CAPN9: variants seen among roughly 807,000 people sequenced by gnomAD.
CAPN9 encodes calpain-9.
A neutral mutation model predicts 92.8 loss-of-function variants in CAPN9; 81 were observed. The ratio of observed to expected loss-of-function variants is 0.87; its 90% CI spans 0.73 to 1.05. The LOEUF (loss-of-function observed/expected upper bound fraction) is 1.05, where lower values mean the gene tolerates loss of function less well. Ranked by LOEUF, CAPN9 falls within the 50% of genes least tolerant of loss-of-function variation. CAPN9 has a pLI of 0.00. For missense variants in CAPN9, 848 were observed against 866.2 expected, an observed-to-expected ratio of 0.98 and a Z score of 0.26; for synonymous variants, 304 against 328.0, an observed-to-expected ratio of 0.93 and a Z score of 0.79.
chr1:230,753,776 G>T (rs901599725), intron 1 of CAPN9, among the ~76,000 whole-genome samples: 32 of 151,954 alleles, frequency 2.1e-4, no homozygotes, highest in Non-Finnish European at 4.6e-4. Flanking sequence ...CCCCTGCAGG[G>T]TGAGCCAGAA....
rs770366418 is a variant in CAPN9, at chr1:230,779,034, G to A, written c.1015G>A (p.Asp339Asn). 31 of 1,613,066 alleles carry A rather than the reference G, an allele frequency of 1.9e-5. No individual in the cohort carries two copies. The highest frequency in any genetic ancestry group is 1.3e-4 in the East Asian group (6 of 44,840). Residue 339 changes from aspartate (D) to asparagine (N), a missense_variant, in exon 9 of 20, where the codon GAT (aspartate) becomes AAT (asparagine). Coordinates refer to ENST00000271971, the MANE Select transcript of CAPN9 (RefSeq NM_006615.3). ...DKVEICNLTP[D>N]ALEEDAIHKW... Reference sequence around the variant, plus strand: ...AGTGGAGATCTGCAACCTCACTCCCGATGCCCTGGAGGAAGACGCGATCCA... The same window carrying A: ...AGTGGAGATCTGCAACCTCACTCCCAATGCCCTGGAGGAAGACGCGATCCA...
At chr1:230,788,273 G>A (rs1294425351) in intron 13 of CAPN9, among the ~76,000 whole-genome samples, 1 of 152,140 alleles carries the variant, frequency 6.6e-6, no homozygotes, top group Non-Finnish European at 1.5e-5. Flanking sequence ...CATGTTCAAG[G>A]AGGTCCCTAT....
At position 230,747,430 on chromosome 1, in the gene CAPN9, A is replaced by G. The variant is rs930363158; in HGVS notation, c.-67A>G. 8 of 1,389,912 alleles carry G rather than the reference A, an allele frequency of 5.8e-6. No homozygotes were observed. Among genetic ancestry groups the G allele is most frequent in the Non-Finnish European group, 6.1e-6 (6 of 978,350 alleles). 86.1% of individuals were successfully genotyped at this position (1,389,912 alleles called of 1,614,324 possible). On this transcript the variant is annotated 5_prime_UTR_variant, in exon 1 of 20. Coordinates refer to ENST00000271971, the MANE Select transcript of CAPN9 (RefSeq NM_006615.3). ...AGCTGTTCCTTCTTGACCGGCACAC[A>G]CAGCTCGCTTCTTCACTTTCTTTTC...
At chr1:230,787,955 A>G (rs1667722977) in intron 13 of CAPN9, among the ~76,000 whole-genome samples, 2 of 152,230 alleles carry the variant, frequency 1.3e-5, no homozygotes, top group Admixed American at 6.5e-5. Flanking sequence ...TCATGGGCTC[A>G]AGAGATCCTA....
chr1:230,783,674 A>C (rs557668151), intron 11 of CAPN9, among the ~76,000 whole-genome samples: 1 of 152,336 alleles, frequency 6.6e-6, no homozygotes, highest in African/African-American at 2.4e-5. Flanking sequence ...AATTAGTCTT[A>C]GGTATTTCTT....
chr1:230,788,630 G>A (rs1933633), intron 13 of CAPN9, among the ~76,000 whole-genome samples: 25,521 of 152,168 alleles, frequency 0.17, 2,265 homozygotes, highest in Middle Eastern at 0.22. Context: ...AACAGGCAAG[G>A]CAGGGAGATT....
At chr1:230,794,122 C>T (rs1668185754) in intron 17 of CAPN9, among the ~76,000 whole-genome samples, 1 of 152,098 alleles carries the variant, frequency 6.6e-6, no homozygotes, top group South Asian at 2.1e-4. Flanking sequence ...GTGAACACCT[C>T]CTAGAAAGTG....
chr1:230,763,337 C>A (rs1665765100), intron 4 of CAPN9, among the ~76,000 whole-genome samples: 1 of 152,216 alleles, frequency 6.6e-6, no homozygotes, highest in African/African-American at 2.4e-5. Flanking sequence ...TCACCACGAT[C>A]TATCTCCAGC....
rs150463113 is a variant in CAPN9 at position 230,779,121 on chromosome 1, C to G, written c.1102C>G (p.Arg368Gly). 1.2e-6 allele frequency: 2 copies of G among 1,612,242 alleles called. No homozygotes were observed. Among genetic ancestry groups the G allele is most frequent in the East Asian group, 2.2e-5 (1 of 44,856 alleles). Residue 368 changes from arginine to glycine, a missense_variant, in exon 9 of 20, where the codon CGC becomes GGC. By Grantham distance (125) the Arg-to-Gly change is moderately radical. Transcript: ENST00000271971. ...WVRGSTAGGCRNFLDTFWTNP... is the reference protein window; with the variant it reads ...WVRGSTAGGCGNFLDTFWTNP... ...TCGCGGCTCCACGGCTGGGGGCTGC[C>G]GCAATTTCCTGGGTAGGTAGGCTGC...
intron 4 of CAPN9, among the ~76,000 whole-genome samples, chr1:230,767,124 G>A (rs28359642): frequency 6.6e-5 from 10 of 152,130 alleles, no homozygotes; most frequent in South Asian, 2.1e-4. Context: ...GCCAGGCCCC[G>A]TTCCATGGGA....
Position 230,786,032 on chromosome 1 carries a change from G to A in CAPN9, c.1518+15G>A, listed in dbSNP as rs1667561449. 1 of 1,613,310 alleles carries A rather than the reference G, an allele frequency of 6.2e-7. No homozygotes were observed. The highest frequency in any genetic ancestry group is 8.5e-7 in the Non-Finnish European group (1 of 1,179,372). ...ACCTTCCTGAGGTGAGTCTTCTGATGTTGCTATGGAGTATGGGATTCAGGT... is the reference window on the plus strand; with the variant it reads ...ACCTTCCTGAGGTGAGTCTTCTGATATTGCTATGGAGTATGGGATTCAGGT... On this transcript the variant is annotated intron_variant, in intron 12 of 19. Coordinates refer to ENST00000271971, the MANE Select transcript of CAPN9 (RefSeq NM_006615.3).
At chr1:230,768,076 A>T (rs1558093864) in intron 5 of CAPN9, among the ~76,000 whole-genome samples, 1 of 150,672 alleles carries the variant, frequency 6.6e-6, no homozygotes, top group Non-Finnish European at 1.5e-5. Context: ...AAAATAAAAT[A>T]AAAATAAATA....
At chr1:230,768,002 T>G (rs1466543657) in intron 5 of CAPN9, among the ~76,000 whole-genome samples, 1 of 136,940 alleles carries the variant, frequency 7.3e-6, no homozygotes, top group Non-Finnish European at 1.6e-5. Flanking sequence ...ACCCTAAAAC[T>G]TAAAGTATAA....
At chr1:230,792,080 C>A (rs1381671090) in intron 15 of CAPN9, 152 bp downstream of exon 15, 2 of 672,962 alleles carry the variant, frequency 3.0e-6, no homozygotes, top group Non-Finnish European at 2.6e-6. Context: ...AGCTGGGGGA[C>A]CCCCATGCTG....
intron 11 of CAPN9, 65 bp downstream of exon 11, chr1:230,780,773 C>T: frequency 7.8e-7 from 1 of 1,277,604 alleles, no homozygotes; most frequent in East Asian, 2.3e-5. Context: ...CAGAAGTCAC[C>T]TGGGAACTGC....
chr1:230,750,964 G>T (rs1664720266), intron 1 of CAPN9, among the ~76,000 whole-genome samples: 1 of 152,210 alleles, frequency 6.6e-6, no homozygotes, highest in African/African-American at 2.4e-5. Context: ...GAAAGAGGAG[G>T]AGGGAGTATC....
intron 14 of CAPN9, among the ~76,000 whole-genome samples, chr1:230,790,669 G>A (rs565332334): frequency 1.7e-4 from 26 of 152,264 alleles, no homozygotes; most frequent in Non-Finnish European, 2.4e-4. Context: ...GGCCGGGTGC[G>A]GTGGCTCACG....
chr1:230,752,762 C>A, intron 1 of CAPN9: 8 of 925,742 alleles, frequency 8.6e-6, no homozygotes, highest in Non-Finnish European at 7.7e-6. Context: ...CCAGGGCTAT[C>A]CCCTGGCAGG....
intron 4 of CAPN9, among the ~76,000 whole-genome samples, chr1:230,764,093 T>C (rs1262396800): frequency 6.6e-6 from 1 of 152,194 alleles, no homozygotes; most frequent in Non-Finnish European, 1.5e-5. Context: ...TAGATGGTGT[T>C]ATGGTTAGTT....
Sources: allele counts gnomAD v4.1 joint callset (sites outside exome capture counted in the v4.1 genomes callset), GRCh38; gene constraint gnomAD v4.1.1; transcripts MANE v1.5; gene names NCBI Gene and HGNC (gene_info 2026-07-23, HGNC 2026-07-21).